PPP2R5C: variants seen among roughly 807,000 people sequenced by gnomAD.
The protein encoded by PPP2R5C is serine/threonine-protein phosphatase 2A 56 kDa regulatory subunit gamma isoform.
In PPP2R5C, 7 loss-of-function variants were observed where a neutral mutation model predicts 68.9. The ratio of observed to expected loss-of-function variants is 0.10; its 90% CI spans 0.06 to 0.19. PPP2R5C has a LOEUF of 0.19. PPP2R5C is among the 10% of genes least tolerant of loss of function. The probability of loss-of-function intolerance (pLI) is 1.00; values close to 1 mark genes in which losing one functional copy is unlikely to be tolerated. For missense variants in PPP2R5C, 348 were observed against 641.3 expected (o/e 0.54, Z 4.94); for synonymous variants, 210 against 222.2 (o/e 0.95, Z 0.49).
At chr14:101,796,181 A>G (rs746289881) in intron 3 of PPP2R5C, among the ~76,000 whole-genome samples, 3 of 152,218 alleles carry the variant, frequency 2.0e-5, no homozygotes, top group African/African-American at 7.2e-5. Flanking sequence ...ACTGCCTACA[A>G]ATGAATTATG....
intron 1 of PPP2R5C, among the ~76,000 whole-genome samples, chr14:101,810,631 G>C (rs2140188960): frequency 6.6e-6 from 1 of 152,244 alleles, no homozygotes; most frequent in Non-Finnish European, 1.5e-5. Context: ...AAATGTTAGC[G>C]TTTTCGTGGA....
chr14:101,804,820 A>C (rs1000578103), intron 3 of PPP2R5C, among the ~76,000 whole-genome samples: 9 of 152,212 alleles, frequency 5.9e-5, no homozygotes, highest in African/African-American at 2.2e-4. Flanking sequence ...GACTATAGTC[A>C]ACAATAACTT....
intron 8 of PPP2R5C, among the ~76,000 whole-genome samples, chr14:101,894,971 G>A (rs1010799207): frequency 8.5e-5 from 13 of 152,110 alleles, no homozygotes; most frequent in Non-Finnish European, 1.5e-4. Flanking sequence ...AGGCTTTACC[G>A]CCTTGAAAAT....
chr14:101,814,275 C>T (rs1424985481), intron 1 of PPP2R5C, among the ~76,000 whole-genome samples: 1 of 152,220 alleles, frequency 6.6e-6, no homozygotes, highest in Non-Finnish European at 1.5e-5. Context: ...TATGTAACTG[C>T]AGCTCTCTGC....
At chr14:101,768,589 G>T (rs1262083639) in intron 2 of PPP2R5C, among the ~76,000 whole-genome samples, 1 of 151,880 alleles carries the variant, frequency 6.6e-6, no homozygotes, top group Admixed American at 6.6e-5. Flanking sequence ...CGGCTCCATC[G>T]AAGGTAGCTG....
At chr14:101,821,907 T>C (rs1050393381) in intron 1 of PPP2R5C, among the ~76,000 whole-genome samples, 1 of 152,158 alleles carries the variant, frequency 6.6e-6, no homozygotes, top group African/African-American at 2.4e-5. Flanking sequence ...AGAGGTCACT[T>C]ATGCTTCACC....
At chr14:101,875,335 C>T (rs2043695024) in intron 2 of PPP2R5C, among the ~76,000 whole-genome samples, 1 of 152,116 alleles carries the variant, frequency 6.6e-6, no homozygotes, top group African/African-American at 2.4e-5. Context: ...GACTTCCCGG[C>T]CACCCAGTCA....
upstream of PPP2R5C, chr14:101,809,735 A>G (rs1203970595): frequency 2.7e-6 from 3 of 1,124,042 alleles, no homozygotes; most frequent in East Asian, 6.2e-5. Context: ...TGACAGCCAA[A>G]CAGAACGCTC....
intron 13 of PPP2R5C, chr14:101,922,090 G>GCTCT (rs970922187): frequency 3.0e-6 from 3 of 985,244 alleles, no homozygotes; most frequent in Non-Finnish European, 3.6e-6. Flanking sequence ...CACATTGAAG[G>GCTCT]CCTGTTCTCC....
chr14:101,897,018 A>C (rs762645480), intron 8 of PPP2R5C, among the ~76,000 whole-genome samples: 3 of 152,152 alleles, frequency 2.0e-5, no homozygotes, highest in Non-Finnish European at 1.5e-5. Flanking sequence ...CTCTTGTCCT[A>C]TGACTGCAGA....
rs2041012971 is a variant in PPP2R5C at position 101,835,250 on chromosome 14, G to A, written c.95-21436G>A. ...GTGCTGTCCTGTGGCTGGGGGAGCAGGATGAATTGGGATAAGGGAAGCCCA... is the reference window on the plus strand; with the variant it reads ...GTGCTGTCCTGTGGCTGGGGGAGCAAGATGAATTGGGATAAGGGAAGCCCA... On this transcript the variant is annotated intron_variant, in intron 1 of 13. Coordinates refer to ENST00000334743, the Ensembl canonical transcript of PPP2R5C. The surrounding 1 kb of genome is among the most constrained non-coding windows in gnomAD (Gnocchi z 5.0). 6.6e-6 allele frequency among the ~76,000 whole-genome samples: 1 copy of A among 152,170 alleles called. No homozygotes were observed. The highest frequency in any genetic ancestry group is 6.5e-5 in the Admixed American group (1 of 15,282).
At chr14:101,911,746 T>C (rs978603639) in intron 11 of PPP2R5C, among the ~76,000 whole-genome samples, 1 of 151,834 alleles carries the variant, frequency 6.6e-6, no homozygotes, top group African/African-American at 2.4e-5. Context: ...AGCCGGGCGG[T>C]AGTAGCACGC....
intron 2 of PPP2R5C, among the ~76,000 whole-genome samples, chr14:101,858,187 C>T (rs1055018389): frequency 6.6e-6 from 1 of 152,230 alleles, no homozygotes; most frequent in Middle Eastern, 3.4e-3. Context: ...ACTAATGACA[C>T]TTGGGGAATA....
chr14:101,923,006 G>A (rs1033361116), intron 13 of PPP2R5C, among the ~76,000 whole-genome samples: 6 of 152,146 alleles, frequency 3.9e-5, no homozygotes, highest in Admixed American at 1.3e-4. Context: ...GGGTCTGCCC[G>A]TGGGCTGCAG....
intron 2 of PPP2R5C, among the ~76,000 whole-genome samples, chr14:101,771,582 G>C (rs2139974298): frequency 6.6e-6 from 1 of 152,034 alleles, no homozygotes; most frequent in African/African-American, 2.4e-5. Context: ...ACAAAAATTA[G>C]CTGGGCTTGG....
chr14:101,794,763 C>T lies in PPP2R5C; in HGVS notation c.259+8580C>T, dbSNP rs536400355. On this transcript the variant is annotated intron_variant, in intron 3 of 14. Coordinates refer to the PPP2R5C transcript ENST00000328724. Reference sequence around the variant, plus strand: ...GCTCTTGTAAATAGAGTCTTTTCTTCCATTGTGTCTTCTAGTTATTAGTTG... The same window carrying T: ...GCTCTTGTAAATAGAGTCTTTTCTTTCATTGTGTCTTCTAGTTATTAGTTG... 8.7e-4 allele frequency among the ~76,000 whole-genome samples: 133 copies of T among 152,230 alleles called. 1 individual carries two copies. In the Middle Eastern group the frequency reaches 0.02, roughly 23 times the overall value.
intron 11 of PPP2R5C, among the ~76,000 whole-genome samples, chr14:101,912,043 C>T (rs1036409827): frequency 6.6e-6 from 1 of 152,120 alleles, no homozygotes; most frequent in Admixed American, 6.6e-5. Flanking sequence ...GGTCCCTTTA[C>T]ACTGTACTGC....
intron 2 of PPP2R5C, among the ~76,000 whole-genome samples, chr14:101,858,616 G>C (rs754681237): frequency 6.6e-6 from 1 of 151,446 alleles, no homozygotes; most frequent in South Asian, 2.1e-4. Flanking sequence ...ATCATGTATT[G>C]ACTATTTCAT....
rs942642002 is a variant in PPP2R5C at position 101,824,247 on chromosome 14, TTTA to T, written c.94+14214_94+14216del. ...TTAGTACAAAATTAGATATATTCTT[TTTA>T]TTCGTAATGATATAGCATGAAGTTC... On this transcript the variant is annotated intron_variant, in intron 1 of 13. Coordinates refer to ENST00000334743, the Ensembl canonical transcript of PPP2R5C. 3 of 1,123,324 alleles carry T rather than the reference TTTA, an allele frequency of 2.7e-6. No homozygotes were observed. In the Admixed American group the frequency reaches 1.0e-4, roughly 39 times the overall value. The allele number at this position is 1,123,324 out of a possible 1,614,324, so 69.6% of individuals were successfully genotyped here. A position where few individuals can be genotyped will look rare whatever the true frequency, so the allele number is the denominator to read the frequency against.
Sources: allele counts gnomAD v4.1 joint callset (sites outside exome capture counted in the v4.1 genomes callset), GRCh38; gene constraint gnomAD v4.1.1; non-coding constraint Gnocchi (gnomAD v3.1); transcripts MANE v1.5; gene names NCBI Gene and HGNC (gene_info 2026-07-23, HGNC 2026-07-21).